SYN3: variants seen among roughly 807,000 people sequenced by gnomAD.
The protein encoded by SYN3 is synapsin-3.
In SYN3, 35 loss-of-function variants were observed where a neutral mutation model predicts 65.8. That is an observed-to-expected ratio of 0.53 (90% CI 0.41 to 0.70). The LOEUF is 0.70. SYN3 is among the 30% of genes least tolerant of loss of function. The pLI, the probability that SYN3 is intolerant of heterozygous loss-of-function variation, is 0.00. For missense variants in SYN3, 680 were observed against 749.0 expected, an observed-to-expected ratio of 0.91 and a Z score of 1.08; for synonymous variants, 270 against 292.9, an observed-to-expected ratio of 0.92 and a Z score of 0.80.
chr22:32,951,662 A>T (rs1396776199), intron 3 of SYN3, among the ~76,000 whole-genome samples: 2 of 152,208 alleles, frequency 1.3e-5, no homozygotes, highest in Admixed American at 1.3e-4. Context: ...CCACCCTGGA[A>T]ATTATGTCAG....
At chr22:32,546,167 C>T (rs1435342387) in intron 7 of SYN3, among the ~76,000 whole-genome samples, 1 of 152,180 alleles carries the variant, frequency 6.6e-6, no homozygotes, top group Non-Finnish European at 1.5e-5. Context: ...GATTCTACCC[C>T]TGGAACCACC....
intron 6 of SYN3, among the ~76,000 whole-genome samples, chr22:32,675,948 G>A (rs2060434134): frequency 6.6e-6 from 1 of 152,132 alleles, no homozygotes; most frequent in East Asian, 1.9e-4. Context: ...CAGGTGAACT[G>A]GAGGAAATAT....
chr22:32,961,862 T>C (rs1261266264), intron 3 of SYN3, among the ~76,000 whole-genome samples: 2 of 152,222 alleles, frequency 1.3e-5, no homozygotes, highest in Non-Finnish European at 2.9e-5. Context: ...CTGGACATAG[T>C]AGCATTGCGG....
At chr22:32,952,833 T>C (rs1194519917) in intron 3 of SYN3, among the ~76,000 whole-genome samples, 1 of 152,248 alleles carries the variant, frequency 6.6e-6, no homozygotes, top group Non-Finnish European at 1.5e-5. Context: ...TGTAACATAA[T>C]GTTTTCTGGA....
intron 6 of SYN3, among the ~76,000 whole-genome samples, chr22:32,850,444 G>A (rs2048186172): frequency 6.6e-6 from 1 of 152,112 alleles, no homozygotes; most frequent in Non-Finnish European, 1.5e-5. Context: ...GGGTGTACTG[G>A]TGATTGCCTT....
intron 7 of SYN3, among the ~76,000 whole-genome samples, chr22:32,596,317 A>G (rs1208095388): frequency 6.6e-6 from 1 of 152,248 alleles, no homozygotes; most frequent in Non-Finnish European, 1.5e-5. Context: ...AGAGATGAGT[A>G]AGACATGGGC....
intron 4 of SYN3, among the ~76,000 whole-genome samples, chr22:32,924,131 A>G (rs1174922048): frequency 1.3e-5 from 2 of 152,212 alleles, no homozygotes; most frequent in Non-Finnish European, 2.9e-5. Flanking sequence ...TATTGTGACT[A>G]GTGCTGCAAT....
chr22:32,982,955 ACTT>A (rs891915641), intron 2 of SYN3, among the ~76,000 whole-genome samples: 29 of 152,216 alleles, frequency 1.9e-4, no homozygotes, highest in African/African-American at 7.0e-4. Flanking sequence ...TGAACCCAGG[ACTT>A]CTAATTCCAT....
chr22:32,557,433 A>G (rs1268467504), intron 7 of SYN3, among the ~76,000 whole-genome samples: 1 of 152,192 alleles, frequency 6.6e-6, no homozygotes, highest in East Asian at 1.9e-4. Context: ...ATGGGGCTTC[A>G]TCTCATTTTC....
chr22:32,852,851 G>A (rs1280807660), intron 6 of SYN3, among the ~76,000 whole-genome samples: 1 of 152,212 alleles, frequency 6.6e-6, no homozygotes, highest in East Asian at 1.9e-4. Flanking sequence ...AGAACTGGCT[G>A]CTCTAAGCTG....
chr22:33,033,124 G>T (rs2053783733), intron 1 of SYN3, among the ~76,000 whole-genome samples: 1 of 151,770 alleles, frequency 6.6e-6, no homozygotes, highest in Non-Finnish European at 1.5e-5. Flanking sequence ...GGGACTACAG[G>T]CACCCACCAC....
intron 1 of SYN3, among the ~76,000 whole-genome samples, chr22:33,036,979 T>G (rs1446062465): frequency 6.6e-6 from 1 of 152,146 alleles, no homozygotes; most frequent in Non-Finnish European, 1.5e-5. Context: ...GCGTGAGCCA[T>G]CATGCCCGGC....
rs114105074 is a variant in SYN3, at chr22:32,972,002, G to A, written c.369+8643C>T. Among the ~76,000 whole-genome samples, 304 of 152,248 alleles carry A rather than the reference G, an allele frequency of 2.0e-3. 4 individuals carry two copies. Among genetic ancestry groups the A allele is most frequent in the African/African-American group, 7.1e-3 (293 of 41,530 alleles). ...ACAGGGATTTATTATAGCCTCTGAC[G>A]GCCAGTCATTGGATGTAACTGCCAC... On this transcript the variant is annotated intron_variant, in intron 3 of 13. Transcript: ENST00000358763.
chr22:32,661,276 C>G (rs1440219972), intron 6 of SYN3, among the ~76,000 whole-genome samples: 3 of 152,376 alleles, frequency 2.0e-5, no homozygotes, highest in African/African-American at 7.2e-5. Flanking sequence ...ACCTTCCCCT[C>G]TGGGGCTCCA....
chr22:32,569,563 C>CTATATA (rs373627613), intron 7 of SYN3, among the ~76,000 whole-genome samples: 242 of 52,790 alleles, frequency 4.6e-3, no homozygotes, highest in Middle Eastern at 0.012. Flanking sequence ...CTCTCTCTCT[C>CTATATA]TCTCTCTCTA....
chr22:32,668,781 G>T (rs1458232485), intron 6 of SYN3, among the ~76,000 whole-genome samples: 1 of 152,130 alleles, frequency 6.6e-6, no homozygotes, highest in African/African-American at 2.4e-5. Flanking sequence ...GCTTCACATT[G>T]TCCCCGTGCA....
intron 3 of SYN3, among the ~76,000 whole-genome samples, chr22:32,948,694 G>A (rs1456777312): frequency 1.3e-5 from 2 of 151,846 alleles, no homozygotes; most frequent in Non-Finnish European, 2.9e-5. Context: ...CCGAGATCGC[G>A]TCACTGCACT....
chr22:32,933,442 G>GTTT (rs2050690913), intron 3 of SYN3, among the ~76,000 whole-genome samples: 1 of 152,058 alleles, frequency 6.6e-6, no homozygotes, highest in African/African-American at 2.4e-5. Flanking sequence ...TGTTGTTGTT[G>GTTT]TTTTCAGACA....
At chr22:32,968,443 T>A (rs2051914680) in intron 3 of SYN3, among the ~76,000 whole-genome samples, 3 of 152,278 alleles carry the variant, frequency 2.0e-5, no homozygotes, top group African/African-American at 7.2e-5. Context: ...GAAATCACGG[T>A]CACAGCACTC....
Sources: allele counts gnomAD v4.1 joint callset (sites outside exome capture counted in the v4.1 genomes callset), GRCh38; gene constraint gnomAD v4.1.1; transcripts MANE v1.5; gene names NCBI Gene and HGNC (gene_info 2026-07-23, HGNC 2026-07-21).